Variants in USP22 observed in about 807,000 individuals in gnomAD.
USP22 encodes the protein ubiquitin specific peptidase 22.
USP22 carries 22 observed loss-of-function variants against 68.1 expected under a neutral mutation model. The ratio of observed to expected loss-of-function variants is 0.32; its 90% CI spans 0.23 to 0.46. The LOEUF (loss-of-function observed/expected upper bound fraction) is 0.46, where lower values mean the gene tolerates loss of function less well. Among genes scored for constraint, USP22 ranks in the 20% least tolerant of loss-of-function variants. The pLI is 1.00. For missense variants in USP22, 433 were observed against 695.8 expected (o/e 0.62, Z 4.25); for synonymous variants, 279 against 274.2 (o/e 1.02, Z -0.17).
At chr17:21,023,956 C>G (rs1288193451) in intron 2 of USP22, among the ~76,000 whole-genome samples, 1 of 152,182 alleles carries the variant, frequency 6.6e-6, no homozygotes, top group Non-Finnish European at 1.5e-5. Context: ...CAGTTTTATT[C>G]TATTTCAGGT....
At chr17:21,026,000 C>G (rs8072149) in intron 2 of USP22, among the ~76,000 whole-genome samples, 1 of 152,086 alleles carries the variant, frequency 6.6e-6, no homozygotes, top group African/African-American at 2.4e-5. Context: ...TGGCTCATGC[C>G]TGTAATCCCA....
intron 6 of USP22, 115 bp from the exon 7 acceptor site, chr17:21,013,050 G>A: frequency 1.2e-6 from 1 of 812,702 alleles, no homozygotes; most frequent in Non-Finnish European, 2.0e-6. Flanking sequence ...GCTTTAAAAG[G>A]CCATGTGAGG....
In USP22 at chr17:21,021,925, C is replaced by A. The variant is rs1972160923; in HGVS notation, c.305-699G>T. 2.0e-5 allele frequency among the ~76,000 whole-genome samples: 3 copies of A among 152,080 alleles called. No individual in the cohort carries two copies. The South Asian group carries it at 6.2e-4, about 31-fold the overall frequency. ...GACCAGCCTGGTCAACATGGTGAAA[C>A]CCCATCTCTACTAAAGTACAAAAAA... On this transcript the variant is annotated intron_variant, in intron 2 of 12. Transcript: ENST00000261497.
intron 2 of USP22, among the ~76,000 whole-genome samples, chr17:21,022,023 C>G (rs1260256960): frequency 1.3e-5 from 2 of 152,124 alleles, no homozygotes; most frequent in African/African-American, 4.8e-5. Flanking sequence ...CAGCTGAAAC[C>G]TGGGAAGGGG....
Position 21,004,966 on chromosome 17 carries a change from C to G in USP22, c.1347G>C (p.Gln449His). The part of the protein sequence containing the change: ...ASSKESRMNG[Q>H]YQQPTDSLNN... ...TGAGACTGTCCGTGGGCTGCTGGTA[C>G]TGTCCATTCATCCTGCTCTCTTTGC... The change falls in exon 11 of 13, where the codon CAG (glutamine) becomes CAC (histidine). Residue 449 changes from glutamine to histidine, a missense_variant. Transcript: ENST00000261497. 6.2e-7 allele frequency: 1 copy of G among 1,614,236 alleles called. No individual in the cohort carries two copies. Among genetic ancestry groups the G allele is most frequent in the Non-Finnish European group, 8.5e-7 (1 of 1,180,034 alleles).
intron 6 of USP22, among the ~76,000 whole-genome samples, chr17:21,014,376 T>TG (rs1156916657): frequency 6.6e-6 from 1 of 152,226 alleles, no homozygotes; most frequent in Non-Finnish European, 1.5e-5. Context: ...ACTAGGTGCT[T>TG]GGGGTAACAG....
intron 10 of USP22, 52 bp downstream of exon 10, chr17:21,006,844 T>C: frequency 6.9e-7 from 1 of 1,449,264 alleles, no homozygotes; most frequent in Non-Finnish European, 9.3e-7. Context: ...ATTCCTGTCC[T>C]GATAGGATCA....
chr17:21,016,797 C>T (rs1420572555), intron 5 of USP22, among the ~76,000 whole-genome samples: 2 of 152,044 alleles, frequency 1.3e-5, no homozygotes, highest in South Asian at 2.1e-4. Flanking sequence ...CGGAGGGGCA[C>T]GAGGGAGTTC....
Position 21,002,935 on chromosome 17 carries a change from C to T in USP22, c.*96G>A, listed in dbSNP as rs1027241265. On this transcript the variant is annotated 3_prime_UTR_variant, in exon 13 of 13. Transcript: ENST00000261497. ...AGGTGGTGTCACCAGGCCGGGGAGG[C>T]GGCGGGAGACTTGGGGGAGGGGGGG... 7.4e-5 allele frequency: 102 copies of T among 1,373,396 alleles called. No homozygotes were observed. The highest frequency in any genetic ancestry group is 9.2e-5 in the Non-Finnish European group (92 of 1,002,780). The allele number at this position is 1,373,396 out of a possible 1,614,324, so 85.1% of individuals were successfully genotyped here.
intron 1 of USP22, 93 bp from the exon 2 acceptor site, chr17:21,028,767 T>G: frequency 6.9e-7 from 1 of 1,457,754 alleles, no homozygotes; most frequent in South Asian, 1.3e-5. Context: ...CCGAGACAGC[T>G]ACTGGAAGAA....
intron 1 of USP22, among the ~76,000 whole-genome samples, chr17:21,041,743 G>C (rs924031942): frequency 2.0e-5 from 3 of 152,166 alleles, no homozygotes; most frequent in African/African-American, 7.2e-5. Context: ...CTACAAAAGC[G>C]CGTGAAACTG....
At chr17:21,042,636 C>T (rs1234330511) in intron 1 of USP22, 29 bp downstream of exon 1, 2 of 1,259,868 alleles carry the variant, frequency 1.6e-6, no homozygotes, top group South Asian at 2.8e-5. Flanking sequence ...AGGCCCCGAG[C>T]CCGCCGCGCG....
chr17:21,011,480 C>T (rs1913968991), intron 7 of USP22, 171 bp from the exon 8 acceptor site: 2 of 827,076 alleles, frequency 2.4e-6, no homozygotes, highest in East Asian at 5.9e-5. Context: ...CCCAACGTGT[C>T]CTGGCTCCCA....
intron 1 of USP22, among the ~76,000 whole-genome samples, chr17:21,041,597 C>CA (rs1972432902): frequency 6.6e-6 from 1 of 151,936 alleles, no homozygotes; most frequent in African/African-American, 2.4e-5. Context: ...GACTTCGTCT[C>CA]AAAAAAATAA....
intron 1 of USP22, among the ~76,000 whole-genome samples, chr17:21,036,030 C>CAAAAAA (rs35324126): frequency 1.7e-5 from 1 of 59,640 alleles, no homozygotes; most frequent in African/African-American, 8.9e-5. Context: ...GACTCCGTCT[C>CAAAAAA]AAAAAAAAAA....
At position 21,018,488 on chromosome 17, in the gene USP22, G is replaced by A. The variant is rs147251394; in HGVS notation, c.521-377C>T. On this transcript the variant is annotated intron_variant, in intron 4 of 12. Coordinates refer to ENST00000261497, the MANE Select transcript of USP22 (RefSeq NM_015276.2). ...CCAGCACTCTGGGAAGCCAAGGCAT[G>A]AGGATCACTGGAGCCCAGGAGTTCG... 175 of 175,364 alleles carry A rather than the reference G, an allele frequency of 1.0e-3. 2 individuals carry two copies. The highest frequency in any genetic ancestry group is 8.7e-3 in the Middle Eastern group (3 of 346). 10.9% of individuals were successfully genotyped at this position (175,364 alleles called of 1,614,324 possible).
intron 2 of USP22, 133 bp from the exon 3 acceptor site, chr17:21,021,359 G>A: frequency 6.2e-6 from 4 of 650,348 alleles, no homozygotes. Flanking sequence ...CACAAGCAGG[G>A]AAGCCAGTCC....
intron 2 of USP22, among the ~76,000 whole-genome samples, chr17:21,027,708 C>A (rs1194261669): frequency 6.6e-6 from 1 of 152,212 alleles, no homozygotes; most frequent in Non-Finnish European, 1.5e-5. Context: ...ATGGTTCATG[C>A]CTGTAATCCC....
intron 2 of USP22, among the ~76,000 whole-genome samples, chr17:21,028,220 G>A (rs1972246083): frequency 6.6e-6 from 1 of 152,096 alleles, no homozygotes; most frequent in African/African-American, 2.4e-5. Flanking sequence ...CTTTATAAAT[G>A]TTTGCCTAAG....
Sources: gnomAD v4.1 joint callset for allele counts (sites outside exome capture counted in the v4.1 genomes callset) on GRCh38, gnomAD v4.1.1 for gene constraint, MANE v1.5 for transcripts, NCBI Gene and HGNC (gene_info 2026-07-23, HGNC 2026-07-21) for gene names.